DNAH6: variants seen among roughly 807,000 people sequenced by gnomAD.
DNAH6 encodes the protein dynein axonemal heavy chain 6, also known as axonemal beta dynein heavy chain 6.
In DNAH6, 340 loss-of-function variants were observed where a neutral mutation model predicts 491.4. That is an observed-to-expected ratio of 0.69 (90% confidence interval 0.63 to 0.76). DNAH6 has a LOEUF of 0.76. DNAH6 is among the 30% of genes least tolerant of loss of function. The pLI is 0.00. For missense variants in DNAH6, 4,443 were observed against 4,972.2 expected, an observed-to-expected ratio of 0.89 and a Z score of 3.20; for synonymous variants, 1,603 against 1,686.1, an observed-to-expected ratio of 0.95 and a Z score of 1.21.
intron 60 of DNAH6, among the ~76,000 whole-genome samples, chr2:84,723,359 G>T (rs571987287): frequency 4.6e-5 from 7 of 152,024 alleles, no homozygotes; most frequent in Non-Finnish European, 7.4e-5. Context: ...TTAAAGATTT[G>T]ATTGCCCAGT....
At chr2:84,802,132 G>A (rs546713200) in intron 70 of DNAH6, among the ~76,000 whole-genome samples, 2 of 152,264 alleles carry the variant, frequency 1.3e-5, no homozygotes, top group South Asian at 4.1e-4. Context: ...CCTACAGACT[G>A]CATAAAGCAA....
In DNAH6 at chr2:84,668,100, G is replaced by A. The variant is rs547006447; in HGVS notation, c.6085-1189G>A. ...CACCACGGCCTGTCGTGGGGCGGGG[G>A]GAGGTGGGAGGGATAGCATTAGGAG... is the stretch of plus-strand genomic sequence containing the variant. On this transcript the variant is annotated intron_variant, in intron 37 of 76. Transcript: ENST00000389394. 2.0e-5 allele frequency among the ~76,000 whole-genome samples: 3 copies of A among 152,290 alleles called. No homozygotes were observed. In the South Asian group the frequency reaches 6.2e-4, roughly 32 times the overall value.
intron 16 of DNAH6, among the ~76,000 whole-genome samples, chr2:84,591,963 A>C (rs1206893776): frequency 6.6e-6 from 1 of 152,210 alleles, no homozygotes; most frequent in African/African-American, 2.4e-5. Flanking sequence ...TTAAAGACTC[A>C]AAAGAACTAA....
chr2:84,776,883 G>A (rs1209473493), intron 64 of DNAH6, among the ~76,000 whole-genome samples: 2 of 152,338 alleles, frequency 1.3e-5, no homozygotes, highest in East Asian at 3.9e-4. Context: ...AGAAAATGTG[G>A]CACATATACA....
At chr2:84,481,745 A>C in the DNAH6 span, among the ~76,000 whole-genome samples, 1 of 152,182 alleles carries the variant, frequency 6.6e-6, no homozygotes, top group East Asian at 1.9e-4. Context: ...GCAGGAAGTG[A>C]CCTACCGGTC....
At chr2:84,524,358 G>C (rs1426361650) in intron 2 of DNAH6, among the ~76,000 whole-genome samples, 1 of 151,828 alleles carries the variant, frequency 6.6e-6, no homozygotes, top group Admixed American at 6.6e-5. Context: ...TGTGAGATGG[G>C]TCTCTTTAAG....
chr2:84,603,290 A>G (rs975581319), intron 18 of DNAH6, among the ~76,000 whole-genome samples: 1 of 152,056 alleles, frequency 6.6e-6, no homozygotes, highest in Admixed American at 6.5e-5. Context: ...TCTAATTAGG[A>G]ATTGGGCTAG....
chr2:84,705,734 T>G lies in DNAH6; in HGVS notation c.8714T>G (p.Leu2905Arg). ...GTCGTCGAACCAAAAAGACAAAAGC[T>G]CCGCGCCGCACAGGTACATTTTCTG... ...VKVVEPKRQK[L>R]RAAQAELDIT... is the part of the protein sequence containing the mutation. Residue 2905 changes from leucine (L) to arginine (R), a missense_variant, in exon 52 of 77, where the codon CTC becomes CGC. Physicochemically the swap from Leu to Arg is moderately radical, Grantham distance 102. Around this residue, in one of 3 missense-constraint regions of DNAH6, gnomAD observed 1,463 missense variants for 1,656.6 expected, o/e 0.88. Coordinates refer to ENST00000389394, the MANE Select transcript of DNAH6 (RefSeq NM_001370.2). 6.5e-7 allele frequency: 1 copy of G among 1,550,070 alleles called. No homozygotes were observed. Among genetic ancestry groups the G allele is most frequent in the Non-Finnish European group, 8.7e-7 (1 of 1,146,442 alleles).
chr2:84,471,375 G>A, the DNAH6 span, among the ~76,000 whole-genome samples: 1 of 151,852 alleles, frequency 6.6e-6, no homozygotes, highest in African/African-American at 2.4e-5. Context: ...TGGTTTGAAT[G>A]TTTCGCACAT....
chr2:84,573,668 G>A (rs1163869019), intron 12 of DNAH6, 81 bp downstream of exon 12: 2 of 1,266,710 alleles, frequency 1.6e-6, no homozygotes, highest in Non-Finnish European at 2.1e-6. Context: ...GTTTGGTGGT[G>A]TCTGGGGACA....
intron 63 of DNAH6, among the ~76,000 whole-genome samples, chr2:84,762,397 G>T (rs1281103543): frequency 6.6e-6 from 1 of 152,186 alleles, no homozygotes; most frequent in Non-Finnish European, 1.5e-5. Context: ...AGGAAACAGA[G>T]ATCAATAATG....
the DNAH6 span, among the ~76,000 whole-genome samples, chr2:84,499,995 T>G: frequency 6.6e-6 from 1 of 152,162 alleles, no homozygotes; most frequent in Admixed American, 6.6e-5. Context: ...CTTCACTTTG[T>G]TATCGTACCC....
At chr2:84,699,929 A>C (rs1309426157) in intron 48 of DNAH6, among the ~76,000 whole-genome samples, 195 bp downstream of exon 48, 2 of 148,114 alleles carry the variant, frequency 1.4e-5, no homozygotes, top group East Asian at 3.9e-4. Flanking sequence ...AGACCATTGA[A>C]TTTAGCAATG....
At chr2:84,508,396 G>A in the DNAH6 span, among the ~76,000 whole-genome samples, 4 of 152,172 alleles carry the variant, frequency 2.6e-5, no homozygotes, top group South Asian at 8.3e-4. Context: ...TTGTATATCT[G>A]TGGGATTGGT....
At chr2:84,665,772 C>CA (rs1692058380) in intron 37 of DNAH6, among the ~76,000 whole-genome samples, 1 of 152,042 alleles carries the variant, frequency 6.6e-6, no homozygotes, top group Non-Finnish European at 1.5e-5. Context: ...CATCCTGACA[C>CA]CAAAGCCTGG....
At chr2:84,787,839 A>G (rs1036754976) in intron 68 of DNAH6, among the ~76,000 whole-genome samples, 12 of 152,324 alleles carry the variant, frequency 7.9e-5, no homozygotes, top group African/African-American at 2.6e-4. Flanking sequence ...TTTGGTAAAT[A>G]TTAACTGTGA....
chr2:84,478,867 G>A, the DNAH6 span, among the ~76,000 whole-genome samples: 1 of 152,124 alleles, frequency 6.6e-6, no homozygotes, highest in Non-Finnish European at 1.5e-5. Context: ...GGTAAATGAG[G>A]GGAATTTTAC....
intron 14 of DNAH6, among the ~76,000 whole-genome samples, chr2:84,582,325 G>A (rs1254388726): frequency 6.6e-6 from 1 of 152,210 alleles, no homozygotes; most frequent in African/African-American, 2.4e-5. Flanking sequence ...AGCAGCAGCA[G>A]CAGCATCTGA....
chr2:84,623,910 A>C (rs1355652223), intron 26 of DNAH6, among the ~76,000 whole-genome samples: 1 of 152,146 alleles, frequency 6.6e-6, no homozygotes, highest in Admixed American at 6.6e-5. Context: ...TTTAGGGAGG[A>C]CACTCTCCTC....
Sources: gnomAD v4.1 joint callset for allele counts (sites outside exome capture counted in the v4.1 genomes callset) on GRCh38, gnomAD v4.1.1 for gene constraint, gnomAD v4.1.1 regional missense constraint, MANE v1.5 for transcripts, NCBI Gene and HGNC (gene_info 2026-07-23, HGNC 2026-07-21) for gene names.